The following BUB1B variants were observed in gnomAD, a reference collection of about 807,000 sequenced individuals.
BUB1B encodes BUB1 mitotic checkpoint serine/threonine kinase B.
A neutral mutation model predicts 137.7 loss-of-function variants in BUB1B; 86 were observed. That is an observed-to-expected ratio of 0.62 (90% CI 0.52 to 0.75). The LOEUF (loss-of-function observed/expected upper bound fraction) is 0.75, where lower values mean the gene tolerates loss of function less well. Among genes scored for constraint, BUB1B ranks in the 30% least tolerant of loss-of-function variants. The pLI is 0.00. For synonymous variants in BUB1B, 420 were observed against 417.9 expected (o/e 1.00, Z -0.06); for missense variants, 1,130 against 1,236.9 (o/e 0.91, Z 1.30).
chr15:40,202,552 T>C (rs376464582), intron 13 of BUB1B, 37 bp from the exon 14 acceptor site: 21 of 1,603,676 alleles, frequency 1.3e-5, no homozygotes, highest in African/African-American at 4.0e-5. Context: ...GTTACTGTTA[T>C]GAAAAAAATT....
chr15:40,166,107 C>T (rs1251163450), intron 2 of BUB1B, among the ~76,000 whole-genome samples: 1 of 152,214 alleles, frequency 6.6e-6, no homozygotes, highest in Non-Finnish European at 1.5e-5. Context: ...CCCACCTTGG[C>T]ATCCCAAAGT....
chr15:40,185,212 C>T lies in BUB1B; in HGVS notation c.799C>T (p.Gln267Ter), dbSNP rs746135465. ...CCAAAATCCATTTCCTCAACAGATG[C>T]AAAATAATAGTAGAATTACTGTTTT... ...GLQNPFPQQM[Q>*]NNSRITVFDE... The change falls in exon 7 of 23, where the codon CAA becomes TAA. Residue 267 changes from glutamine to a stop codon, truncating the protein, a stop_gained. Transcript: ENST00000287598. LOFTEE classifies it high-confidence loss of function. The T allele has an allele frequency of 1.2e-6, 2 of 1,613,910 alleles. No homozygotes were observed. Among genetic ancestry groups the T allele is most frequent in the South Asian group, 1.1e-5 (1 of 91,072 alleles).
chr15:40,218,207 C>T (rs1208509234), intron 21 of BUB1B, among the ~76,000 whole-genome samples: 1 of 152,212 alleles, frequency 6.6e-6, no homozygotes, highest in Non-Finnish European at 1.5e-5. Flanking sequence ...AGTAGGTCTA[C>T]AAATTTGAAT....
chr15:40,183,684 C>T lies in BUB1B; in HGVS notation c.582-30C>T, dbSNP rs759851663. 8 of 1,611,130 alleles carry T rather than the reference C, an allele frequency of 5.0e-6. No individual in the cohort carries two copies. The South Asian group carries it at 8.8e-5, about 18-fold the overall frequency. On this transcript the variant is annotated intron_variant, in intron 5 of 22. Coordinates refer to ENST00000287598, the MANE Select transcript of BUB1B (RefSeq NM_001211.6). ...GAGTCTGGTAAAATAGTGGTCACCT[C>T]ACTAAAAGTTGTGCATTCTGCTACT...
intron 9 of BUB1B, among the ~76,000 whole-genome samples, chr15:40,198,621 A>G (rs2037527747): frequency 6.6e-6 from 1 of 151,774 alleles, no homozygotes; most frequent in Non-Finnish European, 1.5e-5. Context: ...CTTCCAAATC[A>G]TTTTTTCCCT....
Position 40,196,620 on chromosome 15 carries a change from T to C in BUB1B, c.1134T>C (p.Pro378=). The C allele has an allele frequency of 1.9e-6, 3 of 1,613,994 alleles. No individual in the cohort carries two copies. Among genetic ancestry groups the C allele is most frequent in the Non-Finnish European group, 2.5e-6 (3 of 1,179,908 alleles). The change falls in exon 9 of 23, where the codon CCT becomes CCC. Residue 378 remains proline, a synonymous_variant. Transcript: ENST00000287598. ...AGCCTGGAAAGGAAGAAGGAGATCC[T>C]CTACAAAGGGTTCAGAGCCATCAGC... ...TRKPGKEEGD[P]LQRVQSHQQA... is the part of the protein sequence containing the mutation.
intron 14 of BUB1B, among the ~76,000 whole-genome samples, chr15:40,205,231 GC>G (rs1412091212): frequency 1.3e-5 from 2 of 152,254 alleles, no homozygotes; most frequent in Admixed American, 6.5e-5. Flanking sequence ...ACAGGCGTGA[GC>G]CACTGCACCC....
intron 8 of BUB1B, among the ~76,000 whole-genome samples, chr15:40,185,911 T>A (rs535704518): frequency 6.6e-6 from 1 of 152,194 alleles, no homozygotes. Context: ...ATCCTTTATG[T>A]TTGTATTCCT....
At position 40,220,648 on chromosome 15, in the gene BUB1B, G is replaced by A; in HGVS notation, c.3042G>A (p.Glu1014=). ...NDEATVSVLG[E]LAAEMNGVFD... ...AGGCCACAGTGTCTGTTCTTGGGGA[G>A]CTTGCAGCAGAAATGAATGGGGTTT... Residue 1014 remains glutamate (E), a synonymous_variant, in exon 23 of 23, where the codon GAG becomes GAA. Transcript: ENST00000287598. 1 of 1,614,222 alleles carries A rather than the reference G, an allele frequency of 6.2e-7. No homozygotes were observed. The highest frequency in any genetic ancestry group is 1.1e-5 in the South Asian group (1 of 91,090).
At chr15:40,173,528 G>A (rs2037190024) in intron 4 of BUB1B, among the ~76,000 whole-genome samples, 1 of 152,154 alleles carries the variant, frequency 6.6e-6, no homozygotes. Context: ...TACTGTTTGA[G>A]ATAAGTTCAA....
At position 40,202,382 on chromosome 15, in the gene BUB1B, G is replaced by A. The variant is rs754793444; in HGVS notation, c.1568-23G>A. ...AGTAAAGCATTTACTCCTAGAGTAT[G>A]TATCTAGTCTCTCTTTCTCTAGGTC... On this transcript the variant is annotated intron_variant, in intron 12 of 22. Coordinates refer to ENST00000287598, the MANE Select transcript of BUB1B (RefSeq NM_001211.6). The A allele has an allele frequency of 1.9e-6, 3 of 1,572,768 alleles. No homozygotes were observed. In the East Asian group the frequency reaches 6.7e-5, roughly 35 times the overall value.
intron 10 of BUB1B, 166 bp downstream of exon 10, chr15:40,199,893 C>T (rs996152726): frequency 2.0e-5 from 13 of 634,432 alleles, no homozygotes; most frequent in Non-Finnish European, 3.7e-5. Flanking sequence ...TAACAGGTGA[C>T]TTCAAATGGA....
Position 40,217,641 on chromosome 15 carries a change from C to T in BUB1B, c.2824C>T (p.Leu942=). 6.2e-7 allele frequency: 1 copy of T among 1,614,180 alleles called. No individual in the cohort carries two copies. Among genetic ancestry groups the T allele is most frequent in the East Asian group, 2.2e-5 (1 of 44,884 alleles). Residue 942 remains leucine, a synonymous_variant, in exon 21 of 23, where the codon CTG becomes TTG. Transcript: ENST00000287598. The part of the protein sequence containing the change: ...TVQILEGQKI[L]ANCSSPYQVD... ...ACAGATCCTGGAAGGACAAAAGATC[C>T]TGGCTAACTGTTCTTCTCCCTACCA...
At chr15:40,174,828 G>T (rs2037206455) in intron 4 of BUB1B, among the ~76,000 whole-genome samples, 1 of 152,208 alleles carries the variant, frequency 6.6e-6, no homozygotes, top group African/African-American at 2.4e-5. Flanking sequence ...GCCAGCCGTG[G>T]TGGCGGGCGC....
In BUB1B at chr15:40,209,693, A is replaced by G. The variant is rs1462090326; in HGVS notation, c.2202A>G (p.Leu734=). The change falls in exon 17 of 23, where the codon CTA becomes CTG. Residue 734 remains leucine (L), a synonymous_variant. Transcript: ENST00000287598. ...ATCGCAGACAGCTACTGAAGTCCCT[A>G]CCAGAGTTAAGTGCCTCTGCAGAGT... ...SQYRRQLLKS[L]PELSASAELC... is the part of the protein sequence containing the mutation. The G allele has an allele frequency of 6.2e-7, 1 of 1,614,106 alleles. No homozygotes were observed. The highest frequency in any genetic ancestry group is 8.5e-7 in the Non-Finnish European group (1 of 1,179,994).
intron 18 of BUB1B, among the ~76,000 whole-genome samples, chr15:40,211,813 C>A (rs2037715567): frequency 6.7e-6 from 1 of 149,970 alleles, no homozygotes; most frequent in Non-Finnish European, 1.5e-5. Context: ...GGTCTACCTT[C>A]CTGTTTTTTT....
intron 1 of BUB1B, among the ~76,000 whole-genome samples, chr15:40,162,197 A>G (rs961140617): frequency 1.3e-5 from 2 of 152,220 alleles, no homozygotes; most frequent in Admixed American, 6.5e-5. Flanking sequence ...GAGGTTCTAT[A>G]TCTGAGGAGA....
At chr15:40,205,634 G>T (rs776290643) in intron 14 of BUB1B, among the ~76,000 whole-genome samples, 2 of 152,220 alleles carry the variant, frequency 1.3e-5, no homozygotes, top group South Asian at 2.1e-4. Context: ...CCACAATGTG[G>T]CCATTATGTT....
At chr15:40,217,216 ATACT>A (rs1414148787) in intron 20 of BUB1B, among the ~76,000 whole-genome samples, 1 of 152,216 alleles carries the variant, frequency 6.6e-6, no homozygotes, top group Non-Finnish European at 1.5e-5. Context: ...CTCTGCTTCC[ATACT>A]TACTTTATAT....
Sources: allele counts gnomAD v4.1 joint callset (sites outside exome capture counted in the v4.1 genomes callset), GRCh38; gene constraint gnomAD v4.1.1; transcripts MANE v1.5; gene names NCBI Gene and HGNC (gene_info 2026-07-23, HGNC 2026-07-21).